BTBD9: variants seen among roughly 807,000 people sequenced by gnomAD.
BTBD9 encodes the protein BTB/POZ domain-containing protein 9.
In BTBD9, 49 loss-of-function variants were observed where a neutral mutation model predicts 64.3. The observed-to-expected ratio is 0.76, with a 90% CI of 0.61 to 0.97. The LOEUF (loss-of-function observed/expected upper bound fraction) is 0.97, where lower values mean the gene tolerates loss of function less well. BTBD9 is among the 50% of genes least tolerant of loss of function. The pLI is 0.00. For missense variants in BTBD9, 598 were observed against 762.1 expected (o/e 0.78, Z 2.53); for synonymous variants, 260 against 274.7 (o/e 0.95, Z 0.53).
At chr6:38,205,748 G>A (rs1762617296) in intron 9 of BTBD9, among the ~76,000 whole-genome samples, 1 of 151,436 alleles carries the variant, frequency 6.6e-6, no homozygotes. Flanking sequence ...GCCAGGCATG[G>A]TGGTGCGCAC....
chr6:38,195,709 T>G (rs1321975508), intron 9 of BTBD9, among the ~76,000 whole-genome samples: 1 of 152,170 alleles, frequency 6.6e-6, no homozygotes, highest in East Asian at 1.9e-4. Context: ...ATACGTATTA[T>G]TTTTAAATTT....
intron 6 of BTBD9, among the ~76,000 whole-genome samples, chr6:38,352,260 C>T (rs1764548335): frequency 6.6e-6 from 1 of 151,912 alleles, no homozygotes; most frequent in Non-Finnish European, 1.5e-5. Context: ...GCCTGTAGTT[C>T]CAGCTACTTG....
chr6:38,291,920 T>C (rs964485007), intron 7 of BTBD9, among the ~76,000 whole-genome samples: 2 of 152,056 alleles, frequency 1.3e-5, no homozygotes, highest in Non-Finnish European at 2.9e-5. Flanking sequence ...GATTTTTGCA[T>C]AGATGTTCAT....
chr6:38,284,277 A>G (rs1761634072), intron 8 of BTBD9, among the ~76,000 whole-genome samples: 1 of 152,042 alleles, frequency 6.6e-6, no homozygotes, highest in African/African-American at 2.4e-5. Flanking sequence ...CATGCTCATC[A>G]TCCCCGCTCT....
chr6:38,188,006 G>T (rs1029570568), intron 10 of BTBD9, among the ~76,000 whole-genome samples: 1 of 152,236 alleles, frequency 6.6e-6, no homozygotes, highest in Non-Finnish European at 1.5e-5. Context: ...GCATGCAGCA[G>T]ACGGAGACTG....
chr6:38,592,958 C>T, intron 3 of BTBD9, 118 bp from the exon 4 acceptor site: 3 of 1,028,952 alleles, frequency 2.9e-6, no homozygotes, highest in African/African-American at 3.2e-5. Flanking sequence ...TGACCCTCTC[C>T]TTCCCTTATG....
At chr6:38,276,044 G>A (rs553760831) in intron 8 of BTBD9, among the ~76,000 whole-genome samples, 1 of 152,132 alleles carries the variant, frequency 6.6e-6, no homozygotes, top group Non-Finnish European at 1.5e-5. Flanking sequence ...AAAGACACAT[G>A]CACACATATG....
intron 9 of BTBD9, among the ~76,000 whole-genome samples, chr6:38,239,556 T>C (rs902287031): frequency 1.3e-5 from 2 of 151,880 alleles, no homozygotes; most frequent in African/African-American, 4.8e-5. Context: ...ACCAAACCCT[T>C]GAGTAAAAAG....
chr6:38,478,447 A>AT lies in BTBD9; in HGVS notation c.1154+99152dup, dbSNP rs1403595243. Among the ~76,000 whole-genome samples, 81 of 151,738 alleles carry AT rather than the reference A, an allele frequency of 5.3e-4. 5 individuals are homozygous for AT. Among genetic ancestry groups the AT allele is most frequent in the East Asian group, 1.9e-4 (1 of 5,166 alleles). On this transcript the variant is annotated intron_variant, in intron 6 of 10. Coordinates refer to ENST00000481247, the MANE Select transcript of BTBD9 (RefSeq NM_001099272.2). The stretch of plus-strand genomic sequence containing the variant: ...TTTGACTATCTCTATCTTGTCTCCT[A>AT]TTTTTTTTAGAGAATTACATGGCCG...
At chr6:38,463,023 TG>T (rs1770174131) in intron 6 of BTBD9, among the ~76,000 whole-genome samples, 1 of 152,222 alleles carries the variant, frequency 6.6e-6, no homozygotes, top group South Asian at 2.1e-4. Flanking sequence ...CTCAAACTCC[TG>T]GGCTCAAGTG....
chr6:38,561,910 T>C (rs1775281362), intron 6 of BTBD9, among the ~76,000 whole-genome samples: 1 of 152,080 alleles, frequency 6.6e-6, no homozygotes, highest in Non-Finnish European at 1.5e-5. Context: ...CCTGCATATG[T>C]GCCCCCCGAA....
At chr6:38,447,451 A>C (rs1367072001) in intron 6 of BTBD9, among the ~76,000 whole-genome samples, 3 of 152,234 alleles carry the variant, frequency 2.0e-5, no homozygotes, top group Non-Finnish European at 4.4e-5. Flanking sequence ...GGAAACTGTG[A>C]CTGAGTTCAT....
intron 1 of BTBD9, among the ~76,000 whole-genome samples, chr6:38,630,725 C>T (rs1200730875): frequency 6.6e-6 from 1 of 152,118 alleles, no homozygotes; most frequent in Non-Finnish European, 1.5e-5. Context: ...CATGAAGTGC[C>T]AAAATATAAA....
intron 6 of BTBD9, among the ~76,000 whole-genome samples, chr6:38,365,737 CAA>C (rs1009796835): frequency 7.7e-6 from 1 of 130,428 alleles, no homozygotes; most frequent in African/African-American, 2.9e-5. Flanking sequence ...TCAGCCTGGG[CAA>C]CAGAGCAAGA....
Position 38,274,697 on chromosome 6 carries a change from G to A in BTBD9, c.1454+13575C>T, listed in dbSNP as rs200998489. On this transcript the variant is annotated intron_variant, in intron 8 of 10. Transcript: ENST00000481247. ...GGATTACATTTACTGATTTGCGTAT[G>A]TTGAACCAGCCTTGCATCCCAGGGA... Among the ~76,000 whole-genome samples, 237 of 152,308 alleles carry A rather than the reference G, an allele frequency of 1.6e-3. 4 individuals carry two copies. The East Asian group carries it at 0.033, about 21-fold the overall frequency.
At chr6:38,631,342 T>C (rs941924839) in intron 1 of BTBD9, among the ~76,000 whole-genome samples, 10 of 152,140 alleles carry the variant, frequency 6.6e-5, no homozygotes. Context: ...GGAAAAAGGA[T>C]TGATGGTTGT....
chr6:38,457,740 G>C (rs1351634449), intron 6 of BTBD9, among the ~76,000 whole-genome samples: 1 of 152,136 alleles, frequency 6.6e-6, no homozygotes, highest in Non-Finnish European at 1.5e-5. Flanking sequence ...TATAAGAAAG[G>C]AGAGTATAAG....
At chr6:38,420,375 A>T (rs1422848107) in intron 6 of BTBD9, among the ~76,000 whole-genome samples, 1 of 152,198 alleles carries the variant, frequency 6.6e-6, no homozygotes, top group Non-Finnish European at 1.5e-5. Flanking sequence ...TATTCAGCAC[A>T]CATGGGGTAA....
At chr6:38,392,913 C>T (rs1385754602) in intron 6 of BTBD9, among the ~76,000 whole-genome samples, 2 of 125,938 alleles carry the variant, frequency 1.6e-5, no homozygotes, top group Non-Finnish European at 3.1e-5. Flanking sequence ...CTTGTTCTAT[C>T]GCTCAGGCTA....
Sources: allele counts gnomAD v4.1 joint callset (sites outside exome capture counted in the v4.1 genomes callset), GRCh38; gene constraint gnomAD v4.1.1; transcripts MANE v1.5; gene names NCBI Gene and HGNC (gene_info 2026-07-23, HGNC 2026-07-21).